TCF4: variants seen among roughly 807,000 people sequenced by gnomAD.
TCF4 encodes the protein transcription factor 4, also known as SL3-3 enhancer factor 2.
A neutral mutation model predicts 82.1 loss-of-function variants in TCF4; 3 were observed. The ratio of observed to expected loss-of-function variants is 0.04; its 90% CI spans 0.02 to 0.09. The LOEUF (loss-of-function observed/expected upper bound fraction) is 0.09, where lower values mean the gene tolerates loss of function less well. TCF4 is among the 10% of genes least tolerant of loss of function. The pLI is 1.00. For missense variants in TCF4, 518 were observed against 852.7 expected, an observed-to-expected ratio of 0.61 and a Z score of 4.89; for synonymous variants, 276 against 309.6, an observed-to-expected ratio of 0.89 and a Z score of 1.14.
chr18:55,324,759 A>G (rs1053686054), intron 8 of TCF4, among the ~76,000 whole-genome samples: 1 of 152,028 alleles, frequency 6.6e-6, no homozygotes, highest in Admixed American at 6.5e-5. Flanking sequence ...GAAAGCCACC[A>G]TCCCTCTCTG....
intron 8 of TCF4, among the ~76,000 whole-genome samples, chr18:55,341,841 T>A (rs2080042190): frequency 6.6e-6 from 1 of 152,212 alleles, no homozygotes; most frequent in Non-Finnish European, 1.5e-5. Context: ...TTCAAATGCA[T>A]GACTTTCTCA....
chr18:55,493,842 A>G (rs2096601197), intron 3 of TCF4, among the ~76,000 whole-genome samples: 1 of 152,106 alleles, frequency 6.6e-6, no homozygotes, highest in Non-Finnish European at 1.5e-5. Context: ...AGACTAGTTA[A>G]GCTAGTCCTT....
chr18:55,599,943 A>T (rs936787859), intron 2 of TCF4, among the ~76,000 whole-genome samples: 1 of 152,132 alleles, frequency 6.6e-6, no homozygotes, highest in Non-Finnish European at 1.5e-5. Context: ...TGAACTTGGA[A>T]CATCATCCAG....
chr18:55,292,719 C>T (rs994729939), intron 8 of TCF4, among the ~76,000 whole-genome samples: 12 of 139,352 alleles, frequency 8.6e-5, no homozygotes, highest in African/African-American at 2.3e-4. Flanking sequence ...TGTGTATACA[C>T]GTATATACAT....
intron 16 of TCF4, 145 bp downstream of exon 16, chr18:55,234,403 T>C: frequency 1.8e-6 from 2 of 1,110,998 alleles, no homozygotes; most frequent in Non-Finnish European, 2.6e-6. Flanking sequence ...CTAAATACTT[T>C]GCCATTTCCT....
chr18:55,537,582 C>A (rs2097128178), intron 3 of TCF4, among the ~76,000 whole-genome samples: 1 of 152,068 alleles, frequency 6.6e-6, no homozygotes. Flanking sequence ...GAGAGTGAGA[C>A]CCAGTCTCAA....
intron 3 of TCF4, among the ~76,000 whole-genome samples, chr18:55,549,425 T>G (rs1449473644): frequency 6.6e-6 from 1 of 152,238 alleles, no homozygotes; most frequent in East Asian, 1.9e-4. Context: ...GTAATAACAC[T>G]TAGCTGAAAA....
At chr18:55,384,505 C>T (rs567854749) in intron 6 of TCF4, among the ~76,000 whole-genome samples, 1 of 152,280 alleles carries the variant, frequency 6.6e-6, no homozygotes, top group South Asian at 2.1e-4. Flanking sequence ...ATCAGACCAA[C>T]AAAAACTGGC....
intron 2 of TCF4, among the ~76,000 whole-genome samples, chr18:55,610,502 T>A (rs1473008587): frequency 6.6e-6 from 1 of 152,202 alleles, no homozygotes; most frequent in Non-Finnish European, 1.5e-5. Flanking sequence ...TTGGTGAGTG[T>A]TTCATTGATG....
At chr18:55,498,599 CCT>C (rs1555699507) in intron 3 of TCF4, among the ~76,000 whole-genome samples, 1 of 152,160 alleles carries the variant, frequency 6.6e-6, no homozygotes, top group Non-Finnish European at 1.5e-5. Flanking sequence ...GTGAATCCCC[CCT>C]TTTTACCTCC....
upstream of TCF4, among the ~76,000 whole-genome samples, chr18:55,590,204 CCTCA>C (rs2097682433): frequency 6.6e-6 from 1 of 152,220 alleles, no homozygotes; most frequent in African/African-American, 2.4e-5. Context: ...ACTGGGCCGG[CCTCA>C]CTCACAGTAA....
Position 55,613,735 on chromosome 18 carries a change from A to C in TCF4, c.286+17563T>G, listed in dbSNP as rs2097709290. On this transcript the variant is annotated intron_variant, in intron 2 of 20. Coordinates refer to the TCF4 transcript ENST00000398339. ...ATCTCACAAGAACTATCACACGAAC[A>C]GCAAGGTGAGAAATCTGCCCCATGA... Among the ~76,000 whole-genome samples the C allele has an allele frequency of 2.0e-5, 3 of 152,314 alleles. No homozygotes were observed. The East Asian group carries it at 5.8e-4, about 29-fold the overall frequency.
At chr18:55,452,140 C>T (rs1201276629) in intron 5 of TCF4, among the ~76,000 whole-genome samples, 1 of 152,108 alleles carries the variant, frequency 6.6e-6, no homozygotes, top group Non-Finnish European at 1.5e-5. Context: ...ATGGTCCTTC[C>T]CCCTGCCTCT....
At chr18:55,368,165 C>T (rs547165303) in intron 6 of TCF4, among the ~76,000 whole-genome samples, 6 of 152,308 alleles carry the variant, frequency 3.9e-5, no homozygotes, top group African/African-American at 1.2e-4. Flanking sequence ...GCGGGTGGGT[C>T]ACCTGAGGTC....
intron 8 of TCF4, among the ~76,000 whole-genome samples, chr18:55,321,084 T>C (rs905948490): frequency 6.6e-6 from 1 of 152,216 alleles, no homozygotes; most frequent in Non-Finnish European, 1.5e-5. Context: ...CCATTTTGGC[T>C]TTAAATATAT....
chr18:55,479,379 G>A (rs1017435034), intron 3 of TCF4: 3 of 154,232 alleles, frequency 1.9e-5, no homozygotes, highest in Non-Finnish European at 4.4e-5. Flanking sequence ...GAAAACTAGT[G>A]GTCACCAAAC....
At chr18:55,439,273 G>C (rs1177055334) in intron 5 of TCF4, among the ~76,000 whole-genome samples, 1 of 152,144 alleles carries the variant, frequency 6.6e-6, no homozygotes, top group African/African-American at 2.4e-5. Flanking sequence ...TGGGAAGAGA[G>C]GGATCCACAT....
At chr18:55,334,540 A>T (rs919925896) in intron 8 of TCF4, among the ~76,000 whole-genome samples, 3 of 152,206 alleles carry the variant, frequency 2.0e-5, no homozygotes, top group African/African-American at 7.2e-5. Context: ...AGAAAACAGC[A>T]TAACCTCTTA....
At chr18:55,322,450 A>C (rs2957290) in intron 8 of TCF4, 17 of 994,796 alleles carry the variant, frequency 1.7e-5, no homozygotes, top group East Asian at 1.5e-4. Context: ...AAAAAAAAAA[A>C]CACCACGTCT....
Sources: allele counts gnomAD v4.1 joint callset (sites outside exome capture counted in the v4.1 genomes callset), GRCh38; gene constraint gnomAD v4.1.1; transcripts MANE v1.5; gene names NCBI Gene and HGNC (gene_info 2026-07-23, HGNC 2026-07-21).